ZMIZ1: variants seen among roughly 807,000 people sequenced by gnomAD.
ZMIZ1 encodes zinc finger MIZ domain-containing protein 1.
In ZMIZ1, 17 loss-of-function variants were observed where a neutral mutation model predicts 113.9. The observed-to-expected ratio is 0.15, with a 90% CI of 0.10 to 0.22. The LOEUF (loss-of-function observed/expected upper bound fraction) is 0.22, where lower values mean the gene tolerates loss of function less well. Among genes scored for constraint, ZMIZ1 ranks in the 10% least tolerant of loss-of-function variants. ZMIZ1 has a pLI of 1.00. For synonymous variants in ZMIZ1, 607 were observed against 603.1 expected, an observed-to-expected ratio of 1.01 and a Z score of -0.09; for missense variants, 1,059 against 1,477.8, an observed-to-expected ratio of 0.72 and a Z score of 4.65.
At chr10:79,127,121 A>G (rs1844546403) in intron 2 of ZMIZ1, among the ~76,000 whole-genome samples, 1 of 152,080 alleles carries the variant, frequency 6.6e-6, no homozygotes, top group Admixed American at 6.5e-5. Context: ...GGGGACAGGG[A>G]GGGGACAATA....
chr10:79,291,063 G>A lies in ZMIZ1; in HGVS notation c.645G>A (p.Gln215=). 1 of 1,614,232 alleles carries A rather than the reference G, an allele frequency of 6.2e-7. No homozygotes were observed. The highest frequency in any genetic ancestry group is 2.2e-5 in the East Asian group (1 of 44,882). ...TTSNPGLNSP[Q]FAGQQQQFSA... ...GCAACCCAGGCCTCAACTCCCCACA[G>A]TTTGCGGGGCAGCAGCAGCAGTTCT... is the stretch of plus-strand genomic sequence containing the variant. The change falls in exon 10 of 25, where the codon CAG becomes CAA. Residue 215 remains glutamine, a synonymous_variant. Transcript: ENST00000334512.
intron 4 of ZMIZ1, among the ~76,000 whole-genome samples, chr10:79,200,462 GA>G (rs998335208): frequency 8.5e-5 from 13 of 152,216 alleles, no homozygotes; most frequent in African/African-American, 3.1e-4. Context: ...CATCCAGAGG[GA>G]AGTCCCATTC....
chr10:79,218,742 G>A (rs1410867603), intron 7 of ZMIZ1, among the ~76,000 whole-genome samples: 3 of 152,130 alleles, frequency 2.0e-5, no homozygotes, highest in African/African-American at 7.2e-5. Context: ...CCTGAAGGTT[G>A]AGTAAGTGAA....
At chr10:79,247,304 G>A (rs12240937) in intron 7 of ZMIZ1, among the ~76,000 whole-genome samples, 2,815 of 152,284 alleles carry the variant, frequency 0.018, 85 homozygotes, top group African/African-American at 0.064. Context: ...AGGCCTTTCC[G>A]GGGAGCCCTT....
At chr10:79,082,347 A>G (rs1326893245) in intron 1 of ZMIZ1, among the ~76,000 whole-genome samples, 1 of 152,192 alleles carries the variant, frequency 6.6e-6, no homozygotes, top group Non-Finnish European at 1.5e-5. Context: ...GGGTGGCAAC[A>G]GGGTCCTCAG....
At position 79,191,375 on chromosome 10, in the gene ZMIZ1, G is replaced by GA. The variant is rs1446282422; in HGVS notation, c.-49-10209_-49-10208insA. ...TCTAGAGGGCACCAGCTGGTGGTCG[G>GA]GGGGGGTCCTGCCTCTGTCTACAGT... On this transcript the variant is annotated intron_variant, in intron 4 of 24. Transcript: ENST00000334512. Among the ~76,000 whole-genome samples, 4 of 151,968 alleles carry GA rather than the reference G, an allele frequency of 2.6e-5. No homozygotes were observed. In the East Asian group the frequency reaches 5.8e-4, roughly 22 times the overall value.
chr10:79,200,026 C>T (rs1848003469), intron 4 of ZMIZ1, among the ~76,000 whole-genome samples: 1 of 152,202 alleles, frequency 6.6e-6, no homozygotes, highest in Non-Finnish European at 1.5e-5. Flanking sequence ...TCAGTTTCCT[C>T]ATCTCTAAAA....
Position 79,293,587 on chromosome 10 carries a change from G to C in ZMIZ1, c.1164G>C (p.Gln388His). 1 of 1,613,088 alleles carries C rather than the reference G, an allele frequency of 6.2e-7. No homozygotes were observed. Among genetic ancestry groups the C allele is most frequent in the Non-Finnish European group, 8.5e-7 (1 of 1,180,020 alleles). The change falls in exon 12 of 25, where the codon CAG (glutamine) becomes CAC (histidine). Residue 388 changes from glutamine to histidine, a missense_variant. Coordinates refer to ENST00000334512, the MANE Select transcript of ZMIZ1 (RefSeq NM_020338.4). Reference protein sequence around the residue: ...FGTHGQRMPQQTYPGPRPQSL... With the variant: ...FGTHGQRMPQHTYPGPRPQSL... Reference sequence around the variant, plus strand: ...CACACGGGCAGCGGATGCCCCAGCAGACCTACCCGGGCCCCCGGCCCCAGT... The same window carrying C: ...CACACGGGCAGCGGATGCCCCAGCACACCTACCCGGGCCCCCGGCCCCAGT...
chr10:79,199,565 G>A (rs1208677545), intron 4 of ZMIZ1, among the ~76,000 whole-genome samples: 1 of 152,154 alleles, frequency 6.6e-6, no homozygotes, highest in Non-Finnish European at 1.5e-5. Context: ...ATCATCAAGA[G>A]GGGGGAAAAG....
At chr10:79,073,704 G>C (rs1311956014) in intron 1 of ZMIZ1, among the ~76,000 whole-genome samples, 7 of 151,906 alleles carry the variant, frequency 4.6e-5, no homozygotes, top group Admixed American at 3.3e-4. Flanking sequence ...GTTGTGGGGG[G>C]TGCAGAAGGG....
intron 3 of ZMIZ1, among the ~76,000 whole-genome samples, chr10:79,140,240 T>G (rs1012195205): frequency 6.6e-6 from 1 of 152,194 alleles, no homozygotes; most frequent in Non-Finnish European, 1.5e-5. Flanking sequence ...TGTGCTTCAC[T>G]GGGGATGTGG....
At chr10:79,208,548 G>A in intron 6 of ZMIZ1, 99 bp downstream of exon 6, 1 of 1,002,494 alleles carries the variant, frequency 1.0e-6, no homozygotes. Context: ...GACATTGGGA[G>A]GTGACACCAG....
At chr10:79,197,637 C>CACACACACACCCCT (rs1564713276) in intron 4 of ZMIZ1, among the ~76,000 whole-genome samples, 19 of 149,260 alleles carry the variant, frequency 1.3e-4, no homozygotes, top group South Asian at 2.1e-4. Flanking sequence ...CACACACACA[C>CACACACACACCCCT]ACACACCTGT....
chr10:79,243,297 C>A (rs918187698), intron 7 of ZMIZ1, among the ~76,000 whole-genome samples: 3 of 150,342 alleles, frequency 2.0e-5, no homozygotes, highest in East Asian at 1.9e-4. Flanking sequence ...GGCCCATCCC[C>A]GTCCCTGGAG....
At chr10:79,293,750 A>T (rs1243581424) in intron 12 of ZMIZ1, 97 bp downstream of exon 12, 1 of 1,562,620 alleles carries the variant, frequency 6.4e-7, no homozygotes, top group Non-Finnish European at 8.8e-7. Context: ...TGTGGCTTGG[A>T]CTCCAGCACA....
rs772376200 is a variant in ZMIZ1, at chr10:79,310,372, G to A, written c.2836-552G>A. 8.0e-4 allele frequency among the ~76,000 whole-genome samples: 122 copies of A among 152,328 alleles called. 1 individual carries two copies. The highest frequency in any genetic ancestry group is 1.6e-3 in the Admixed American group (25 of 15,304). On this transcript the variant is annotated intron_variant, in intron 23 of 24. Transcript: ENST00000334512. ...CAAGGCCCCAGCTGCTCCACACTTC[G>A]GACTGGCAGAAGGCGCCTTCGTACC...
In ZMIZ1 at chr10:79,296,772, G is replaced by A; in HGVS notation, c.1413+119G>A. ...GTTTGCCCCAAGGACAGCGAGGGGT[G>A]GGTGATTTCTGAACGTCCCCATGTG... On this transcript the variant is annotated intron_variant, in intron 13 of 24. Coordinates refer to ENST00000334512, the MANE Select transcript of ZMIZ1 (RefSeq NM_020338.4). This position sits in a 1 kb window ranked among gnomAD's most constrained non-coding sequence, Gnocchi z 4.1. The A allele has an allele frequency of 4.7e-6, 5 of 1,060,100 alleles. No individual in the cohort carries two copies. The highest frequency in any genetic ancestry group is 6.6e-6 in the Non-Finnish European group (5 of 762,514). 65.7% of individuals were successfully genotyped at this position (1,060,100 alleles called of 1,614,324 possible).
chr10:79,163,753 G>A (rs779731520), intron 4 of ZMIZ1, among the ~76,000 whole-genome samples: 16 of 152,254 alleles, frequency 1.1e-4, no homozygotes, highest in Non-Finnish European at 2.2e-4. Flanking sequence ...CTGCCCTGCA[G>A]CCTTTGCCCA....
At chr10:79,169,223 C>T (rs548675613) in intron 4 of ZMIZ1, among the ~76,000 whole-genome samples, 1 of 152,204 alleles carries the variant, frequency 6.6e-6, no homozygotes, top group Admixed American at 6.5e-5. Flanking sequence ...TTCTCTGGTC[C>T]CTGGCCTCAC....
Sources: allele counts gnomAD v4.1 joint callset (sites outside exome capture counted in the v4.1 genomes callset), GRCh38; gene constraint gnomAD v4.1.1; non-coding constraint Gnocchi (gnomAD v3.1); transcripts MANE v1.5; gene names NCBI Gene and HGNC (gene_info 2026-07-23, HGNC 2026-07-21).